The following TENM3 variants were observed in gnomAD, a reference collection of about 807,000 sequenced individuals.
TENM3 encodes teneurin transmembrane protein 3.
TENM3 carries 63 observed loss-of-function variants against 255.1 expected under a neutral mutation model. That is an observed-to-expected ratio of 0.25 (90% CI 0.20 to 0.30). TENM3 has a LOEUF of 0.30. TENM3 is among the 10% of genes least tolerant of loss of function. The pLI is 1.00. For missense variants in TENM3, 2,929 were observed against 3,461.1 expected, an observed-to-expected ratio of 0.85 and a Z score of 3.86; for synonymous variants, 1,306 against 1,322.3, an observed-to-expected ratio of 0.99 and a Z score of 0.27.
At chr4:182,596,661 A>C (rs1385497334) in intron 3 of TENM3, among the ~76,000 whole-genome samples, 1 of 152,224 alleles carries the variant, frequency 6.6e-6, no homozygotes, top group African/African-American at 2.4e-5. Flanking sequence ...AGAGCAAGGA[A>C]TATGCGAAGA....
At chr4:182,117,983 C>A in the TENM3 span, among the ~76,000 whole-genome samples, 1 of 152,166 alleles carries the variant, frequency 6.6e-6, no homozygotes, top group African/African-American at 2.4e-5. Flanking sequence ...TAGCTTTAAA[C>A]CTAAGTACTT....
chr4:181,862,749 T>C, the TENM3 span, among the ~76,000 whole-genome samples: 1 of 152,174 alleles, frequency 6.6e-6, no homozygotes, highest in Non-Finnish European at 1.5e-5. Context: ...TCTATTATCG[T>C]TCCTCAATTA....
Position 182,717,280 on chromosome 4 carries a change from TA to T in TENM3, c.2368+3052del, listed in dbSNP as rs199772730. On this transcript the variant is annotated intron_variant, in intron 13 of 27. Coordinates refer to ENST00000511685, the MANE Select transcript of TENM3 (RefSeq NM_001080477.4). ...ATGTATGTCTGTCCCCCTTTATCTC[TA>T]AAAAGCTGCTTTAGAAGGGAATTCC... Among the ~76,000 whole-genome samples, 124 of 152,306 alleles carry T rather than the reference TA, an allele frequency of 8.1e-4. 3 individuals are homozygous for T. The East Asian group carries it at 0.02, about 25-fold the overall frequency.
chr4:182,730,955 C>A lies in TENM3; in HGVS notation c.2783C>A (p.Thr928Asn), dbSNP rs1760647898. ...ERSPFLTQYH[T>N]VWIPWNVFYV... Reference sequence around the variant, plus strand: ...TCCCCATTCCTCACTCAGTATCATACTGTGTGGATTCCATGGAATGTCTTT... The same window carrying A: ...TCCCCATTCCTCACTCAGTATCATAATGTGTGGATTCCATGGAATGTCTTT... Residue 928 changes from threonine to asparagine, a missense_variant, in exon 16 of 28, where the codon ACT becomes AAT. Physicochemically the swap from Thr to Asn is moderately conservative, Grantham distance 65 (BLOSUM62 0). Coordinates refer to ENST00000511685, the MANE Select transcript of TENM3 (RefSeq NM_001080477.4). The A allele has an allele frequency of 6.2e-7, 1 of 1,613,796 alleles. No individual in the cohort carries two copies. Among genetic ancestry groups the A allele is most frequent in the African/African-American group, 1.3e-5 (1 of 74,914 alleles).
chr4:181,983,747 C>A, the TENM3 span, among the ~76,000 whole-genome samples: 34 of 151,850 alleles, frequency 2.2e-4, no homozygotes, highest in South Asian at 6.2e-3. Context: ...TTTTTTCAGA[C>A]AAAATAATGT....
the TENM3 span, among the ~76,000 whole-genome samples, chr4:181,977,066 G>A: frequency 1.8e-3 from 273 of 152,234 alleles, 1 homozygote; most frequent in African/African-American, 6.2e-3. Context: ...ACAGCGTGGC[G>A]TTGTACTTAG....
intron 3 of TENM3, among the ~76,000 whole-genome samples, chr4:182,508,344 C>T (rs535919907): frequency 4.6e-4 from 70 of 152,192 alleles, no homozygotes; most frequent in Middle Eastern, 3.4e-3. Flanking sequence ...GAGTATGCTC[C>T]GCTGTGATTA....
Position 182,800,261 on chromosome 4 carries a change from C to T in TENM3, c.8010C>T (p.Tyr2670=). The change falls in exon 28 of 28, where the codon TAC becomes TAT. Residue 2670 remains tyrosine, a synonymous_variant. Transcript: ENST00000511685. ...SAGKVQGYDG[Y]YVLSVEQYPE... is the part of the protein sequence containing the mutation. ...GCAAGGTGCAGGGCTACGACGGGTA[C>T]TACGTACTCTCGGTGGAGCAGTACC... 6.3e-7 allele frequency: 1 copy of T among 1,594,294 alleles called. No homozygotes were observed. The highest frequency in any genetic ancestry group is 8.5e-7 in the Non-Finnish European group (1 of 1,178,472).
the TENM3 span, among the ~76,000 whole-genome samples, chr4:182,098,170 A>C: frequency 6.6e-6 from 1 of 152,244 alleles, no homozygotes; most frequent in African/African-American, 2.4e-5. Flanking sequence ...TTTTATCAAA[A>C]AGACGAATAA....
At chr4:181,775,100 A>T in the TENM3 span, among the ~76,000 whole-genome samples, 1 of 152,024 alleles carries the variant, frequency 6.6e-6, no homozygotes, top group Admixed American at 6.6e-5. Context: ...CTTCCTCTGG[A>T]CTAAATATTG....
At chr4:181,454,711 T>C in the TENM3 span, among the ~76,000 whole-genome samples, 2 of 73,584 alleles carry the variant, frequency 2.7e-5, no homozygotes, top group Non-Finnish European at 5.5e-5. Flanking sequence ...CTTTTCTATG[T>C]TGAATACAGA....
chr4:181,803,363 A>T, the TENM3 span, among the ~76,000 whole-genome samples: 1 of 152,222 alleles, frequency 6.6e-6, no homozygotes, highest in Non-Finnish European at 1.5e-5. Context: ...TGAAGTTTAG[A>T]CTAAGGACAG....
At chr4:182,667,017 T>C (rs1754754123) in intron 6 of TENM3, among the ~76,000 whole-genome samples, 1 of 152,194 alleles carries the variant, frequency 6.6e-6, no homozygotes, top group South Asian at 2.1e-4. Context: ...TATTGTGATA[T>C]CTGCTTTATT....
chr4:182,194,646 C>G (rs998992506), intron 1 of TENM3, among the ~76,000 whole-genome samples: 1 of 152,182 alleles, frequency 6.6e-6, no homozygotes, highest in Non-Finnish European at 1.5e-5. Context: ...GCCAGCCAGC[C>G]AGACTAAATA....
At chr4:182,083,716 T>G in the TENM3 span, among the ~76,000 whole-genome samples, 49 of 152,220 alleles carry the variant, frequency 3.2e-4, no homozygotes, top group Middle Eastern at 3.2e-3. Context: ...AGCTATAGAA[T>G]TGTTTCTTTC....
At chr4:182,100,874 T>C in the TENM3 span, among the ~76,000 whole-genome samples, 37,884 of 39,502 alleles carry the variant, frequency 0.96, 18,469 homozygotes, top group East Asian at 1. Flanking sequence ...TATATATATA[T>C]AGAGAGAGAG....
the TENM3 span, among the ~76,000 whole-genome samples, chr4:182,060,913 C>T: frequency 6.6e-6 from 1 of 152,150 alleles, no homozygotes; most frequent in Non-Finnish European, 1.5e-5. Context: ...ATGTGGCACT[C>T]GTAATATATG....
At chr4:182,075,544 G>T in the TENM3 span, among the ~76,000 whole-genome samples, 1 of 152,126 alleles carries the variant, frequency 6.6e-6, no homozygotes, top group Non-Finnish European at 1.5e-5. Flanking sequence ...GACAAAGCAA[G>T]ACCTGTCTGT....
chr4:182,772,124 T>C (rs1391037687), intron 22 of TENM3, among the ~76,000 whole-genome samples: 1 of 152,202 alleles, frequency 6.6e-6, no homozygotes, highest in East Asian at 1.9e-4. Context: ...CGGAGTCTTC[T>C]CTGTCTTTAT....
Sources: allele counts gnomAD v4.1 joint callset (sites outside exome capture counted in the v4.1 genomes callset), GRCh38; gene constraint gnomAD v4.1.1; transcripts MANE v1.5; gene names NCBI Gene and HGNC (gene_info 2026-07-23, HGNC 2026-07-21).